The following CNTNAP2 variants were observed in gnomAD, a reference collection of about 807,000 sequenced individuals.
CNTNAP2 encodes the protein contactin-associated protein-like 2.
In CNTNAP2, 98 loss-of-function variants were observed where a neutral mutation model predicts 155.2. That is an observed-to-expected ratio of 0.63 (90% CI 0.54 to 0.75). The LOEUF (loss-of-function observed/expected upper bound fraction) is 0.75. Among genes scored for constraint, CNTNAP2 ranks in the 30% least tolerant of loss-of-function variants. The pLI, the probability that CNTNAP2 is intolerant of heterozygous loss-of-function variation, is 0.00. For synonymous variants in CNTNAP2, 651 were observed against 631.2 expected, an observed-to-expected ratio of 1.03 and a Z score of -0.47; for missense variants, 1,727 against 1,688.1, an observed-to-expected ratio of 1.02 and a Z score of -0.40.
At chr7:148,025,662 T>C (rs1011146077) in intron 15 of CNTNAP2, among the ~76,000 whole-genome samples, 1 of 152,214 alleles carries the variant, frequency 6.6e-6, no homozygotes, top group African/African-American at 2.4e-5. Context: ...CTTTCTTTCT[T>C]GATTATTTAA....
At chr7:146,736,482 A>G (rs1801622633) in intron 1 of CNTNAP2, among the ~76,000 whole-genome samples, 1 of 152,156 alleles carries the variant, frequency 6.6e-6, no homozygotes, top group South Asian at 2.1e-4. Flanking sequence ...CTGAACATTG[A>G]AAACCTACCA....
intron 20 of CNTNAP2, chr7:148,262,924 C>A (rs180701534): frequency 8.5e-4 from 129 of 152,428 alleles, no homozygotes; most frequent in African/African-American, 2.9e-3. Context: ...CTGGTGGTAA[C>A]ACTCGGCAAA....
At chr7:146,605,069 T>TATA (rs1799021873) in intron 1 of CNTNAP2, among the ~76,000 whole-genome samples, 1 of 133,676 alleles carries the variant, frequency 7.5e-6, no homozygotes, top group African/African-American at 2.9e-5. Flanking sequence ...AAACTTAAAG[T>TATA]ATAATAAAAA....
At position 148,057,337 on chromosome 7, in the gene CNTNAP2, C is replaced by T. The variant is rs565017474; in HGVS notation, c.2384-60781C>T. 3.9e-5 allele frequency among the ~76,000 whole-genome samples: 6 copies of T among 152,204 alleles called. No individual in the cohort carries two copies. The South Asian group carries it at 1.0e-3, about 26-fold the overall frequency. ...ATCGCTCAATAGCTTGGATAGTCTG[C>T]GTGTGGATAACACATCAGCAAGGAA... On this transcript the variant is annotated intron_variant, in intron 15 of 23. Coordinates refer to ENST00000361727, the MANE Select transcript of CNTNAP2 (RefSeq NM_014141.6).
intron 10 of CNTNAP2, among the ~76,000 whole-genome samples, chr7:147,421,277 C>CAT (rs1254151583): frequency 2.0e-5 from 3 of 151,732 alleles, no homozygotes; most frequent in African/African-American, 4.8e-5. Flanking sequence ...GTAACTCAGC[C>CAT]ATATATATAT....
intron 13 of CNTNAP2, among the ~76,000 whole-genome samples, chr7:147,642,001 T>TGTGTGTGC (rs1288061639): frequency 8.8e-5 from 12 of 137,074 alleles, no homozygotes; most frequent in African/African-American, 3.5e-4. Context: ...ATCATAGGTG[T>TGTGTGTGC]GTGTGTGTGC....
At position 146,272,911 on chromosome 7, in the gene CNTNAP2, T is replaced by C. The variant is rs188416195; in HGVS notation, c.97+155938T>C. On this transcript the variant is annotated intron_variant, in intron 1 of 23. Transcript: ENST00000361727. Reference sequence around the variant, plus strand: ...GTAAACATTAATGAGAAAGAACAAATAGGCTAAAATAGATGAGACCAAAGG... The same window carrying C: ...GTAAACATTAATGAGAAAGAACAAACAGGCTAAAATAGATGAGACCAAAGG... 1.8e-4 allele frequency among the ~76,000 whole-genome samples: 27 copies of C among 151,954 alleles called. No homozygotes were observed. The East Asian group carries it at 4.3e-3, about 24-fold the overall frequency.
Position 146,986,694 on chromosome 7 carries a change from AT to A in CNTNAP2, c.403-57211del, listed in dbSNP as rs1798120147. 2.0e-5 allele frequency among the ~76,000 whole-genome samples: 3 copies of A among 152,194 alleles called. No individual in the cohort carries two copies. In the South Asian group the frequency reaches 6.2e-4, roughly 32 times the overall value. Reference sequence around the variant, plus strand: ...ATTTTTTGATTTTTTGATTATGGCCATTCTTGTAGGAGTAGGTGGTATTGCT... The same window carrying A: ...ATTTTTTGATTTTTTGATTATGGCCATCTTGTAGGAGTAGGTGGTATTGCT... On this transcript the variant is annotated intron_variant, in intron 3 of 23. Coordinates refer to ENST00000361727, the MANE Select transcript of CNTNAP2 (RefSeq NM_014141.6).
chr7:147,849,079 G>T (rs1003836786), intron 13 of CNTNAP2, among the ~76,000 whole-genome samples: 1 of 152,070 alleles, frequency 6.6e-6, no homozygotes, highest in Non-Finnish European at 1.5e-5. Flanking sequence ...AAATATGATT[G>T]ATTTAATACA....
At chr7:147,627,826 A>G (rs967730839) in intron 12 of CNTNAP2, among the ~76,000 whole-genome samples, 1 of 151,896 alleles carries the variant, frequency 6.6e-6, no homozygotes, top group Non-Finnish European at 1.5e-5. Flanking sequence ...ACGGAAATAC[A>G]AAAAGTGTAG....
chr7:148,160,230 A>T (rs1294389954), intron 17 of CNTNAP2, among the ~76,000 whole-genome samples: 3 of 151,242 alleles, frequency 2.0e-5, no homozygotes, highest in African/African-American at 7.3e-5. Context: ...ACAGAGTAAG[A>T]CCCTGTCTCA....
intron 10 of CNTNAP2, among the ~76,000 whole-genome samples, chr7:147,475,975 C>T (rs995678843): frequency 2.0e-5 from 3 of 152,128 alleles, no homozygotes; most frequent in Admixed American, 1.3e-4. Flanking sequence ...TATTTTAATA[C>T]ACCAATATTA....
At chr7:146,469,839 ATTT>A (rs55827136) in intron 1 of CNTNAP2, among the ~76,000 whole-genome samples, 1 of 85,404 alleles carries the variant, frequency 1.2e-5, no homozygotes. Flanking sequence ...CTTAATTGAC[ATTT>A]TTTTTTTTTT....
chr7:148,024,840 C>T (rs930158760), intron 15 of CNTNAP2, among the ~76,000 whole-genome samples: 2 of 152,176 alleles, frequency 1.3e-5, no homozygotes, highest in Non-Finnish European at 2.9e-5. Flanking sequence ...CCCCTGCCTT[C>T]TCCTTTCTTT....
Position 147,605,915 on chromosome 7 carries a change from C to CTGTGTG in CNTNAP2, c.1898-33181_1898-33176dup, listed in dbSNP as rs144478388. ...TCTCTCTCTCTCTCTTTCTCTCTCT[C>CTGTGTG]TGTGTGTGTGTGTGTTTGTGTGTCT... On this transcript the variant is annotated intron_variant, in intron 12 of 23. Transcript: ENST00000361727. Among the ~76,000 whole-genome samples, 939 of 151,134 alleles carry CTGTGTG rather than the reference C, an allele frequency of 6.2e-3. 9 individuals carry two copies. The highest frequency in any genetic ancestry group is 0.022 in the African/African-American group (897 of 41,168).
chr7:148,334,849 T>C (rs1798090505), intron 21 of CNTNAP2, among the ~76,000 whole-genome samples: 1 of 152,162 alleles, frequency 6.6e-6, no homozygotes, highest in Non-Finnish European at 1.5e-5. Flanking sequence ...AGAAGGGGCC[T>C]CCTGAAAAGA....
chr7:147,055,480 T>C (rs776734842), intron 4 of CNTNAP2, among the ~76,000 whole-genome samples: 1 of 152,182 alleles, frequency 6.6e-6, no homozygotes, highest in Non-Finnish European at 1.5e-5. Flanking sequence ...TTACCTCCTC[T>C]TTATCCCATG....
rs1798189592 is a variant in CNTNAP2 at position 146,555,758 on chromosome 7, CAG to C, written c.98-218510_98-218509del. 2.0e-5 allele frequency among the ~76,000 whole-genome samples: 3 copies of C among 152,310 alleles called. No individual in the cohort carries two copies. The East Asian group carries it at 5.8e-4, about 29-fold the overall frequency. The stretch of plus-strand genomic sequence containing the variant: ...GAAAGTTGATTGTGTGGTAGAAAAA[CAG>C]AGCCTTTGGCATCAGAAGGACTGAG... On this transcript the variant is annotated intron_variant, in intron 1 of 23. Transcript: ENST00000361727.
At chr7:146,522,794 A>G (rs373628262) in intron 1 of CNTNAP2, among the ~76,000 whole-genome samples, 3 of 150,026 alleles carry the variant, frequency 2.0e-5, no homozygotes, top group Admixed American at 1.3e-4. Flanking sequence ...AAATAAAATA[A>G]TATCTATTAT....
Sources: gnomAD v4.1 joint callset for allele counts (sites outside exome capture counted in the v4.1 genomes callset) on GRCh38, gnomAD v4.1.1 for gene constraint, MANE v1.5 for transcripts, NCBI Gene and HGNC (gene_info 2026-07-23, HGNC 2026-07-21) for gene names.